The following PLCH1 variants were observed in gnomAD, a reference collection of about 807,000 sequenced individuals.
The protein encoded by PLCH1 is 1-phosphatidylinositol 4,5-bisphosphate phosphodiesterase eta-1.
A neutral mutation model predicts 126.7 loss-of-function variants in PLCH1; 60 were observed. The ratio of observed to expected loss-of-function variants is 0.47; its 90% CI spans 0.38 to 0.59. The LOEUF (loss-of-function observed/expected upper bound fraction) is 0.59. PLCH1 is among the 20% of genes least tolerant of loss of function. The probability of loss-of-function intolerance (pLI) is 0.00; values close to 1 mark genes in which losing one functional copy is unlikely to be tolerated. For synonymous variants in PLCH1, 719 were observed against 734.9 expected, an observed-to-expected ratio of 0.98 and a Z score of 0.35; for missense variants, 1,723 against 2,040.0, an observed-to-expected ratio of 0.84 and a Z score of 2.99.
chr3:155,644,481 T>C (rs1027504301), intron 2 of PLCH1, among the ~76,000 whole-genome samples: 2 of 151,992 alleles, frequency 1.3e-5, no homozygotes, highest in African/African-American at 4.8e-5. Flanking sequence ...CAGGTGCCTG[T>C]AGTCCCAACT....
chr3:155,729,749 C>A (rs1748617571), intron 1 of PLCH1, among the ~76,000 whole-genome samples: 1 of 151,786 alleles, frequency 6.6e-6, no homozygotes, highest in Non-Finnish European at 1.5e-5. Flanking sequence ...ATGGTGAAAC[C>A]CCATCTCCTC....
At chr3:155,657,520 C>T (rs1225333991) in intron 2 of PLCH1, among the ~76,000 whole-genome samples, 2 of 152,112 alleles carry the variant, frequency 1.3e-5, no homozygotes, top group Admixed American at 1.3e-4. Flanking sequence ...GAGAAAACCA[C>T]CCACAGCGAG....
chr3:155,470,884 T>G (rs1373388963), intron 21 of PLCH1, among the ~76,000 whole-genome samples: 2 of 151,662 alleles, frequency 1.3e-5, no homozygotes, highest in South Asian at 2.1e-4. Context: ...GCTGAGAGAT[T>G]TTGTCACCAC....
At chr3:155,586,677 T>C (rs914184202) in intron 4 of PLCH1, among the ~76,000 whole-genome samples, 1 of 151,708 alleles carries the variant, frequency 6.6e-6, no homozygotes, top group Admixed American at 6.6e-5. Context: ...CCAGCCTGGG[T>C]GACAAGAATG....
At chr3:155,486,733 C>G (rs1715248291) in intron 21 of PLCH1, among the ~76,000 whole-genome samples, 1 of 151,632 alleles carries the variant, frequency 6.6e-6, no homozygotes, top group Non-Finnish European at 1.5e-5. Flanking sequence ...ACCTTGTTAG[C>G]CAGGATGGTC....
At chr3:155,554,287 T>C in intron 8 of PLCH1, 91 bp from the exon 9 acceptor site, 2 of 1,225,542 alleles carry the variant, frequency 1.6e-6, no homozygotes, top group East Asian at 2.4e-5. Flanking sequence ...AAGTCCATTA[T>C]CTGAAATTAT....
intron 13 of PLCH1, among the ~76,000 whole-genome samples, chr3:155,501,993 T>A (rs1052194909): frequency 1.3e-5 from 2 of 150,398 alleles, no homozygotes; most frequent in Non-Finnish European, 2.9e-5. Context: ...CCTTCTAGAT[T>A]TTCTCATGCT....
At chr3:155,456,872 A>C (rs1047546799) in intron 21 of PLCH1, 1 of 153,032 alleles carries the variant, frequency 6.5e-6, no homozygotes, top group Non-Finnish European at 1.5e-5. Context: ...CGCTGCCTCC[A>C]GGCAAGGTGG....
intron 21 of PLCH1, among the ~76,000 whole-genome samples, chr3:155,472,701 C>T (rs1403702219): frequency 6.6e-6 from 1 of 150,694 alleles, no homozygotes; most frequent in African/African-American, 2.4e-5. Context: ...CAAAACGAAT[C>T]CAGCAGCACA....
At chr3:155,521,981 C>A (rs1721165049) in intron 11 of PLCH1, among the ~76,000 whole-genome samples, 1 of 152,204 alleles carries the variant, frequency 6.6e-6, no homozygotes, top group South Asian at 2.1e-4. Context: ...ATCAACTACT[C>A]TTAGTAAAGA....
chr3:155,638,770 T>C (rs1739032710), intron 2 of PLCH1, among the ~76,000 whole-genome samples: 1 of 152,232 alleles, frequency 6.6e-6, no homozygotes, highest in Non-Finnish European at 1.5e-5. Context: ...TAGATTTCTA[T>C]TTTTCTAACA....
At chr3:155,646,055 A>G (rs1740009325) in intron 2 of PLCH1, among the ~76,000 whole-genome samples, 1 of 152,138 alleles carries the variant, frequency 6.6e-6, no homozygotes, top group African/African-American at 2.4e-5. Flanking sequence ...GATAAAGGAC[A>G]TGGTGAGGGT....
At chr3:155,582,358 C>T (rs868047600) in intron 6 of PLCH1, among the ~76,000 whole-genome samples, 2 of 152,120 alleles carry the variant, frequency 1.3e-5, no homozygotes, top group African/African-American at 4.8e-5. Flanking sequence ...GCTGGGATTA[C>T]AGGCATGAGA....
chr3:155,481,741 A>G lies in PLCH1; in HGVS notation c.4285T>C (p.Tyr1429His). Residue 1429 changes from tyrosine to histidine, a missense_variant, in exon 23 of 23, where the codon TAT (tyrosine) becomes CAT (histidine). By Grantham distance (83) the Tyr-to-His change is moderately conservative. Coordinates refer to ENST00000460012, the MANE Select transcript of PLCH1 (RefSeq NM_014996.4). The surrounding 1 kb of genome is among the most constrained non-coding windows in gnomAD (Gnocchi z 4.2). ...VKTQSISYLA[Y>H]QGAGFVHNHF... Reference sequence around the variant, plus strand: ...TTATGCACAAAGCCAGCACCCTGATAGGCTAGATAAGAAATACTTTGAGTT... The same window carrying G: ...TTATGCACAAAGCCAGCACCCTGATGGGCTAGATAAGAAATACTTTGAGTT... The G allele has an allele frequency of 6.2e-7, 1 of 1,614,190 alleles. No homozygotes were observed. The highest frequency in any genetic ancestry group is 8.5e-7 in the Non-Finnish European group (1 of 1,180,012).
chr3:155,688,577 A>G (rs937956510), intron 2 of PLCH1, among the ~76,000 whole-genome samples: 33 of 152,330 alleles, frequency 2.2e-4, no homozygotes, highest in African/African-American at 6.7e-4. Context: ...GGGGTAGAGC[A>G]AAAACCAGGT....
At chr3:155,591,459 A>G (rs2108632299) in intron 4 of PLCH1, among the ~76,000 whole-genome samples, 1 of 152,296 alleles carries the variant, frequency 6.6e-6, no homozygotes, top group South Asian at 2.1e-4. Context: ...ACTTCAATCA[A>G]AACAACGTAT....
intron 6 of PLCH1, among the ~76,000 whole-genome samples, chr3:155,581,913 C>A (rs1275981552): frequency 6.6e-6 from 1 of 151,478 alleles, no homozygotes; most frequent in African/African-American, 2.4e-5. Context: ...CCACACCTGG[C>A]TAATTTTGTA....
intron 2 of PLCH1, among the ~76,000 whole-genome samples, chr3:155,614,517 TA>T (rs1735542749): frequency 6.6e-6 from 1 of 152,008 alleles, no homozygotes; most frequent in Non-Finnish European, 1.5e-5. Context: ...GGCATCACAT[TA>T]CCCAACTTCA....
intron 9 of PLCH1, 71 bp downstream of exon 9, chr3:155,554,005 T>C (rs1414598965): frequency 6.7e-7 from 1 of 1,487,734 alleles, no homozygotes. Flanking sequence ...TGTGGTTTTG[T>C]AGCTACGTTA....
Sources: gnomAD v4.1 joint callset for allele counts (sites outside exome capture counted in the v4.1 genomes callset) on GRCh38, gnomAD v4.1.1 for gene constraint, Gnocchi (gnomAD v3.1) non-coding constraint, MANE v1.5 for transcripts, NCBI Gene and HGNC (gene_info 2026-07-23, HGNC 2026-07-21) for gene names.